The following ABI2 variants were observed in gnomAD, a reference collection of about 807,000 sequenced individuals.
ABI2 encodes the protein abl interactor 2.
A neutral mutation model predicts 59.2 loss-of-function variants in ABI2; 25 were observed. The ratio of observed to expected loss-of-function variants is 0.42; its 90% CI spans 0.31 to 0.59. The LOEUF is 0.59. Among genes scored for constraint, ABI2 ranks in the 20% least tolerant of loss-of-function variants. ABI2 has a pLI of 0.14. For missense variants in ABI2, 545 were observed against 681.8 expected (o/e 0.80, Z 2.23); for synonymous variants, 213 against 235.5 (o/e 0.90, Z 0.87).
At position 203,382,171 on chromosome 2, in the gene ABI2, C is replaced by G; in HGVS notation, c.463-18C>G. 6.6e-7 allele frequency: 1 copy of G among 1,522,926 alleles called. No individual in the cohort carries two copies. The highest frequency in any genetic ancestry group is 8.8e-7 in the Non-Finnish European group (1 of 1,141,036). 94.3% of individuals were successfully genotyped at this position (1,522,926 alleles called of 1,614,324 possible). On this transcript the variant is annotated intron_variant, in intron 3 of 11. Transcript: ENST00000261018. ...TTTTTTTCCTTACCTCTTTTATTTGCTCCATTTATGCATTAAGTGGTTGCT... is the reference window on the plus strand; with the variant it reads ...TTTTTTTCCTTACCTCTTTTATTTGGTCCATTTATGCATTAAGTGGTTGCT...
intron 1 of ABI2, among the ~76,000 whole-genome samples, chr2:203,339,850 A>G (rs1022693542): frequency 1.3e-5 from 2 of 152,164 alleles, no homozygotes; most frequent in South Asian, 4.1e-4. Context: ...CATTGGTTCT[A>G]GGACCCCCAA....
intron 1 of ABI2, among the ~76,000 whole-genome samples, chr2:203,357,118 GAT>G (rs1272941965): frequency 6.6e-6 from 1 of 152,120 alleles, no homozygotes; most frequent in Non-Finnish European, 1.5e-5. Flanking sequence ...ATATAAAATA[GAT>G]ATAAAATTTG....
chr2:203,357,288 A>G (rs955575074), intron 1 of ABI2, among the ~76,000 whole-genome samples: 1 of 152,206 alleles, frequency 6.6e-6, no homozygotes, highest in Admixed American at 6.5e-5. Context: ...TTGGGAGTAT[A>G]AATTAATTAT....
chr2:203,417,056 G>T lies in ABI2; in HGVS notation c.1428G>T (p.Trp476Cys). ...CTTATGCTGAAGAGGACCCACCGTG[G>T]GCTCCACGTTCTTACTTGGAAAAGG... ...SDPYAEEDPPWAPRSYLEKVV... is the reference protein window; with the variant it reads ...SDPYAEEDPPCAPRSYLEKVV... The change falls in exon 11 of 12, where the codon TGG becomes TGT. Residue 476 changes from tryptophan to cysteine, a missense_variant. Trp to Cys is a radical substitution (Grantham distance 215, BLOSUM62 -2). This residue lies in a region of ABI2 where 44 missense variants were observed against 106.4 expected (regional missense o/e 0.41). Transcript: ENST00000261018. The T allele has an allele frequency of 6.2e-7, 1 of 1,611,668 alleles. No homozygotes were observed. The highest frequency in any genetic ancestry group is 2.2e-5 in the East Asian group (1 of 44,750).
chr2:203,384,562 G>A (rs768727482), intron 4 of ABI2, among the ~76,000 whole-genome samples: 12 of 151,646 alleles, frequency 7.9e-5, no homozygotes, highest in Non-Finnish European at 1.5e-4. Flanking sequence ...CTCTCACCTC[G>A]GCCTCCCAAA....
intron 5 of ABI2, chr2:203,394,499 G>T: frequency 1.8e-6 from 1 of 552,444 alleles, no homozygotes; most frequent in Non-Finnish European, 3.2e-6. Context: ...TGAGGTTGGA[G>T]ACTGAAAAAT....
intron 3 of ABI2, among the ~76,000 whole-genome samples, chr2:203,380,862 A>G (rs1041903893): frequency 1.3e-5 from 2 of 152,210 alleles, no homozygotes; most frequent in African/African-American, 4.8e-5. Context: ...GGTAAAAGTG[A>G]TAGGTGAATT....
intron 1 of ABI2, among the ~76,000 whole-genome samples, chr2:203,358,764 C>G (rs1002388832): frequency 1.3e-5 from 2 of 152,172 alleles, no homozygotes; most frequent in Non-Finnish European, 2.9e-5. Flanking sequence ...AATTCCAGCA[C>G]TTTGGGAGGC....
intron 1 of ABI2, among the ~76,000 whole-genome samples, chr2:203,336,559 T>TG (rs2076541509): frequency 6.6e-6 from 1 of 152,218 alleles, no homozygotes; most frequent in Admixed American, 6.5e-5. Flanking sequence ...TGAGGCTCTC[T>TG]ATTGTACCCT....
At chr2:203,384,313 T>TGTTTTTG (rs1559289695) in intron 4 of ABI2, among the ~76,000 whole-genome samples, 1 of 128,394 alleles carries the variant, frequency 7.8e-6, no homozygotes, top group African/African-American at 2.9e-5. Context: ...TTTTTTTTTT[T>TGTTTTTG]TTTTTTTTTT....
intron 10 of ABI2, among the ~76,000 whole-genome samples, chr2:203,412,653 C>T (rs186195863): frequency 3.9e-4 from 59 of 152,180 alleles, no homozygotes; most frequent in African/African-American, 1.4e-3. Flanking sequence ...CTATTGGGGC[C>T]GACTCTTCTT....
intron 4 of ABI2, among the ~76,000 whole-genome samples, chr2:203,387,912 T>C (rs1449426983): frequency 6.6e-6 from 1 of 152,182 alleles, no homozygotes; most frequent in Admixed American, 6.5e-5. Flanking sequence ...TTGCTACTTG[T>C]CAGGAAATGT....
At chr2:203,330,392 CAAAAA>C (rs35505933) in intron 1 of ABI2, among the ~76,000 whole-genome samples, 2 of 115,804 alleles carry the variant, frequency 1.7e-5, no homozygotes. Flanking sequence ...GACTACATAT[CAAAAA>C]AAAAAAAAAA....
chr2:203,378,151 T>C (rs754528419), intron 2 of ABI2, among the ~76,000 whole-genome samples: 45 of 151,056 alleles, frequency 3.0e-4, no homozygotes, highest in South Asian at 8.5e-4. Context: ...CTCGCTCTGT[T>C]GCCCAGGCTG....
chr2:203,328,535 G>T lies in ABI2; in HGVS notation c.21G>T (p.Leu7=). The T allele has an allele frequency of 6.2e-7, 1 of 1,605,134 alleles. No homozygotes were observed. Among genetic ancestry groups the T allele is most frequent in the Non-Finnish European group, 8.5e-7 (1 of 1,176,202 alleles). The change falls in exon 1 of 12, where the codon CTG becomes CTT. Residue 7 remains leucine (L), a synonymous_variant. Transcript: ENST00000261018. Reference sequence around the variant, plus strand: ...TGAAGATGGCGGAGCTGCAGATGCTGCTGGAAGAGGAAATCCCGGGGGGCC... The same window carrying T: ...TGAAGATGGCGGAGCTGCAGATGCTTCTGGAAGAGGAAATCCCGGGGGGCC... MAELQM[L]LEEEIPGGRR...
chr2:203,384,292 T>G (rs1163200650), intron 4 of ABI2, among the ~76,000 whole-genome samples: 1 of 95,504 alleles, frequency 1.0e-5, no homozygotes, highest in East Asian at 3.4e-4. Context: ...TTGTTTTTGT[T>G]TTTTTTTTTT....
At chr2:203,350,877 TGTGTGTGTGTGTGTGC>T (rs886409011) in intron 1 of ABI2, among the ~76,000 whole-genome samples, 4 of 109,528 alleles carry the variant, frequency 3.7e-5, no homozygotes, top group South Asian at 3.5e-4. Flanking sequence ...TGTGTGTGTG[TGTGTGTGTGTGTGTGC>T]GCGCGCGCAT....
chr2:203,382,614 T>C (rs2096211006), intron 4 of ABI2, among the ~76,000 whole-genome samples: 1 of 152,192 alleles, frequency 6.6e-6, no homozygotes, highest in African/African-American at 2.4e-5. Flanking sequence ...TAATGTACTT[T>C]ATTTAACCCT....
intron 3 of ABI2, among the ~76,000 whole-genome samples, chr2:203,381,203 T>C (rs1337787352): frequency 6.6e-6 from 1 of 152,200 alleles, no homozygotes; most frequent in Non-Finnish European, 1.5e-5. Flanking sequence ...AAAGAAAATA[T>C]ACACTGTAAA....
Sources: gnomAD v4.1 joint callset for allele counts (sites outside exome capture counted in the v4.1 genomes callset) on GRCh38, gnomAD v4.1.1 for gene constraint, gnomAD v4.1.1 regional missense constraint, MANE v1.5 for transcripts, NCBI Gene and HGNC (gene_info 2026-07-23, HGNC 2026-07-21) for gene names.